The following LHX4 variants were observed in gnomAD, a reference collection of about 807,000 sequenced individuals.
The protein encoded by LHX4 is LIM homeobox 4.
A neutral mutation model predicts 39.2 loss-of-function variants in LHX4; 16 were observed. The observed-to-expected ratio is 0.41, with a 90% CI of 0.28 to 0.62. The LOEUF is 0.62. Ranked by LOEUF, LHX4 falls within the 20% of genes least tolerant of loss-of-function variation. The probability of loss-of-function intolerance (pLI) is 0.33; values close to 1 mark genes in which losing one functional copy is unlikely to be tolerated. For synonymous variants in LHX4, 206 were observed against 198.1 expected, an observed-to-expected ratio of 1.04 and a Z score of -0.33; for missense variants, 439 against 511.9, an observed-to-expected ratio of 0.86 and a Z score of 1.37.
chr1:180,257,148 G>C (rs1025629685), intron 2 of LHX4, among the ~76,000 whole-genome samples: 2 of 152,184 alleles, frequency 1.3e-5, no homozygotes, highest in Non-Finnish European at 2.9e-5. Context: ...GGACGGGAGA[G>C]TTGGGCTCTC....
upstream of LHX4, chr1:180,230,249 A>AG (rs1553278149): frequency 2.6e-3 from 1,292 of 495,050 alleles, 16 homozygotes; most frequent in South Asian, 0.016. This position sits in a 1 kb window ranked among gnomAD's most constrained non-coding sequence, Gnocchi z 5.8. Context: ...CGGGGGAGGG[A>AG]AGAGGAAAAA....
intron 2 of LHX4, 23 bp downstream of exon 2, chr1:180,248,479 G>A (rs376815139): frequency 1.9e-5 from 30 of 1,613,096 alleles, no homozygotes; most frequent in Middle Eastern, 1.8e-4. Context: ...GGTCCGTCTC[G>A]TGGCCCTGGC....
intron 2 of LHX4, among the ~76,000 whole-genome samples, chr1:180,264,824 T>A (rs1648249872): frequency 6.6e-6 from 1 of 151,994 alleles, no homozygotes; most frequent in Non-Finnish European, 1.5e-5. Flanking sequence ...AAGCCTGGGG[T>A]CCTCCCAAGC....
At chr1:180,233,321 G>A (rs1020262303) in intron 1 of LHX4, among the ~76,000 whole-genome samples, 1 of 152,210 alleles carries the variant, frequency 6.6e-6, no homozygotes, top group Non-Finnish European at 1.5e-5. Flanking sequence ...AGCCCTCCTG[G>A]TTTTTTACCG....
intron 2 of LHX4, among the ~76,000 whole-genome samples, chr1:180,261,568 CT>C (rs1315995337): frequency 6.6e-5 from 10 of 152,088 alleles, no homozygotes; most frequent in Admixed American, 3.9e-4. Context: ...GGTGGGAAGA[CT>C]GAGAGTTCGA....
At chr1:180,267,933 G>C (rs1648394954) in intron 3 of LHX4, among the ~76,000 whole-genome samples, 1 of 152,136 alleles carries the variant, frequency 6.6e-6, no homozygotes, top group Non-Finnish European at 1.5e-5. Context: ...CATGGCAGGA[G>C]TGGGCAGGGC....
intron 3 of LHX4, among the ~76,000 whole-genome samples, chr1:180,268,817 C>T (rs1349647281): frequency 2.0e-5 from 3 of 152,170 alleles, no homozygotes; most frequent in Non-Finnish European, 4.4e-5. Flanking sequence ...CCTGGGCAAT[C>T]GGTGATCCTT....
intron 2 of LHX4, among the ~76,000 whole-genome samples, chr1:180,264,987 G>A (rs575875097): frequency 7.9e-5 from 12 of 152,280 alleles, no homozygotes; most frequent in African/African-American, 2.6e-4. Flanking sequence ...GGTGGGGGGC[G>A]TCTGAGGCTG....
chr1:180,231,425 GTC>G (rs1320700871), intron 1 of LHX4, among the ~76,000 whole-genome samples: 3 of 151,790 alleles, frequency 2.0e-5, no homozygotes, highest in Non-Finnish European at 4.4e-5. Context: ...TTATCCCCAA[GTC>G]TCTCTCTGTG....
chr1:180,270,751 A>C (rs1648596465), intron 3 of LHX4: 1 of 157,528 alleles, frequency 6.3e-6, no homozygotes, highest in African/African-American at 2.4e-5. Context: ...TGATCTTGCC[A>C]TTCCATCCCA....
At position 180,266,791 on chromosome 1, in the gene LHX4, C is replaced by T. The variant is rs909559937; in HGVS notation, c.451+197C>T. ...CACCTCCCCGGCCGTTAGCACTCGC[C>T]GGCTTCATGGAAGTGTTCATCCAGC... On this transcript the variant is annotated intron_variant, in intron 3 of 5. Coordinates refer to ENST00000263726, the MANE Select transcript of LHX4 (RefSeq NM_033343.4). This position sits in a 1 kb window ranked among gnomAD's most constrained non-coding sequence, Gnocchi z 5.7. Among the ~76,000 whole-genome samples the T allele has an allele frequency of 5.3e-5, 8 of 152,194 alleles. No homozygotes were observed. The highest frequency in any genetic ancestry group is 1.4e-4 in the African/African-American group (6 of 41,442).
intron 3 of LHX4, chr1:180,270,338 C>T (rs357044): frequency 0.85 from 129,588 of 152,290 alleles, 55,862 homozygotes; most frequent in Non-Finnish European, 0.92. Context: ...ACAGAGACAC[C>T]TTCTGGGGCA....
intron 2 of LHX4, among the ~76,000 whole-genome samples, chr1:180,260,685 G>T (rs1036014962): frequency 1.3e-5 from 2 of 151,814 alleles, no homozygotes; most frequent in Non-Finnish European, 2.9e-5. Flanking sequence ...TAACACACTG[G>T]GGGGTGAGGG....
chr1:180,244,575 T>C (rs1157046623), intron 1 of LHX4, among the ~76,000 whole-genome samples: 6 of 152,218 alleles, frequency 3.9e-5, no homozygotes, highest in Admixed American at 3.3e-4. Flanking sequence ...CCACTAGATA[T>C]CCTGCTCAAA....
chr1:180,230,113 G>A (rs541561148), upstream of LHX4, among the ~76,000 whole-genome samples: 1,018 of 152,078 alleles, frequency 6.7e-3, 7 homozygotes, highest in Admixed American at 0.01. This position sits in a 1 kb window ranked among gnomAD's most constrained non-coding sequence, Gnocchi z 5.8. Context: ...GCCGAAGGGC[G>A]GGCCTCCCTG....
In LHX4 at chr1:180,268,258, G is replaced by A. The variant is rs76102020; in HGVS notation, c.451+1664G>A. On this transcript the variant is annotated intron_variant, in intron 3 of 5. Coordinates refer to ENST00000263726, the MANE Select transcript of LHX4 (RefSeq NM_033343.4). ...TTCATCAGAGATACTAAGATGGCAC[G>A]ACCTCCCCGGCCTGCAGCTGGTTCT... Among the ~76,000 whole-genome samples the A allele has an allele frequency of 4.6e-4, 70 of 152,238 alleles. 1 individual carries two copies. In the East Asian group the frequency reaches 0.012, roughly 27 times the overall value.
chr1:180,231,237 G>C (rs1664169981), intron 1 of LHX4, among the ~76,000 whole-genome samples: 3 of 152,010 alleles, frequency 2.0e-5, no homozygotes. Context: ...GCAGGGGAGG[G>C]AGAAGCGACC....
intron 2 of LHX4, among the ~76,000 whole-genome samples, chr1:180,256,272 A>G (rs1254548866): frequency 6.6e-6 from 1 of 152,130 alleles, no homozygotes; most frequent in Non-Finnish European, 1.5e-5. Context: ...CTGGCTGGGC[A>G]TTCAAGGGCC....
intron 1 of LHX4, among the ~76,000 whole-genome samples, chr1:180,237,614 A>G (rs1664356194): frequency 6.6e-6 from 1 of 152,052 alleles, no homozygotes; most frequent in Non-Finnish European, 1.5e-5. Context: ...CTCCTGCTGT[A>G]ATTTTGGTGG....
Sources: allele counts gnomAD v4.1 joint callset (sites outside exome capture counted in the v4.1 genomes callset), GRCh38; gene constraint gnomAD v4.1.1; non-coding constraint Gnocchi (gnomAD v3.1); transcripts MANE v1.5; gene names NCBI Gene and HGNC (gene_info 2026-07-23, HGNC 2026-07-21).